TMEM170A: variants seen among roughly 807,000 people sequenced by gnomAD.
TMEM170A encodes transmembrane protein 170A.
In TMEM170A, 18 loss-of-function variants were observed where a neutral mutation model predicts 12.8. The observed-to-expected ratio is 1.41, with a 90% CI of 0.97 to 2.09. TMEM170A has a LOEUF of 2.09. Ranked by LOEUF, TMEM170A falls within the 30% of genes most tolerant of loss-of-function variation. The probability of loss-of-function intolerance (pLI) is 0.00; values close to 1 mark genes in which losing one functional copy is unlikely to be tolerated. For missense variants in TMEM170A, 220 were observed against 179.9 expected (o/e 1.22, Z -1.28); for synonymous variants, 107 against 76.2 (o/e 1.40, Z -2.11).
Position 75,446,918 on chromosome 16 carries a change from G to C in TMEM170A, c.*640C>G, listed in dbSNP as rs1003904681. On this transcript the variant is annotated 3_prime_UTR_variant, in exon 3 of 3. Transcript: ENST00000561878. Reference sequence around the variant, plus strand: ...CACATCTCTTAAAATATCTTAATCAGAAGTCAAGACAGTTGTCCAGAAAAT... The same window carrying C: ...CACATCTCTTAAAATATCTTAATCACAAGTCAAGACAGTTGTCCAGAAAAT... The C allele has an allele frequency of 1.3e-5, 2 of 152,124 alleles. No homozygotes were observed. Among genetic ancestry groups the C allele is most frequent in the African/African-American group, 2.4e-5 (1 of 41,432 alleles). 9.4% of individuals were successfully genotyped at this position (152,124 alleles called of 1,614,324 possible).
chr16:75,447,398 G>A lies in TMEM170A; in HGVS notation c.*160C>T, dbSNP rs927627484. On this transcript the variant is annotated 3_prime_UTR_variant, in exon 3 of 3. Transcript: ENST00000561878. Reference sequence around the variant, plus strand: ...TCCACATAAGTCTTCAATTCTAGGAGCTTCAAAATGAAGAAAAGGCTGAGA... The same window carrying A: ...TCCACATAAGTCTTCAATTCTAGGAACTTCAAAATGAAGAAAAGGCTGAGA... 60 of 725,408 alleles carry A rather than the reference G, an allele frequency of 8.3e-5. No individual in the cohort carries two copies. The highest frequency in any genetic ancestry group is 2.5e-4 in the South Asian group (7 of 27,590). 44.9% of individuals were successfully genotyped at this position (725,408 alleles called of 1,614,324 possible).
At chr16:75,448,966 T>C (rs1225558523) in intron 2 of TMEM170A, among the ~76,000 whole-genome samples, 1 of 151,328 alleles carries the variant, frequency 6.6e-6, no homozygotes, top group Non-Finnish European at 1.5e-5. Flanking sequence ...GTGGCTGAGG[T>C]AGGGGGATCA....
In TMEM170A at chr16:75,445,561, T is replaced by C. The variant is rs1246707838; in HGVS notation, c.*1997A>G. 6.6e-6 allele frequency: 1 copy of C among 152,304 alleles called. No individual in the cohort carries two copies. Among genetic ancestry groups the C allele is most frequent in the African/African-American group, 2.4e-5 (1 of 41,434 alleles). 9.4% of individuals were successfully genotyped at this position (152,304 alleles called of 1,614,324 possible). A position where few individuals can be genotyped will look rare whatever the true frequency, so the allele number is the denominator to read the frequency against. On this transcript the variant is annotated 3_prime_UTR_variant, in exon 3 of 3. Transcript: ENST00000561878. The stretch of plus-strand genomic sequence containing the variant: ...ATCCTCCCACATCGACCTCCCAAAG[T>C]GCTGGGATTATAGGTGTGAGCCACT...
In TMEM170A at chr16:75,446,159, A is replaced by G. The variant is rs1434647007; in HGVS notation, c.*1399T>C. On this transcript the variant is annotated 3_prime_UTR_variant, in exon 3 of 3. Transcript: ENST00000561878. Reference sequence around the variant, plus strand: ...CACTGCACTCCAGCCTGGGCAACACAGTGAGGCTCCGTCTCATTTAAAAGA... The same window carrying G: ...CACTGCACTCCAGCCTGGGCAACACGGTGAGGCTCCGTCTCATTTAAAAGA... 6.7e-6 allele frequency: 1 copy of G among 148,436 alleles called. No homozygotes were observed. The allele number at this position is 148,436 out of a possible 1,614,324, so 9.2% of individuals were successfully genotyped here.
At chr16:75,459,306 G>T (rs191423039) in intron 1 of TMEM170A, among the ~76,000 whole-genome samples, 1 of 152,170 alleles carries the variant, frequency 6.6e-6, no homozygotes, top group Non-Finnish European at 1.5e-5. Context: ...GTCTATAATG[G>T]CTGGCTCCCT....
chr16:75,447,952 C>A (rs2079616930), intron 2 of TMEM170A, among the ~76,000 whole-genome samples: 1 of 152,134 alleles, frequency 6.6e-6, no homozygotes, highest in Non-Finnish European at 1.5e-5. Flanking sequence ...ATAAAATAAT[C>A]TGGAAGAAAT....
At chr16:75,451,408 G>C (rs1433916813) in intron 2 of TMEM170A, 1 of 557,754 alleles carries the variant, frequency 1.8e-6, no homozygotes, top group Non-Finnish European at 3.2e-6. Context: ...AATTAGCGGG[G>C]CATGGTGGCA....
At chr16:75,454,681 G>A (rs2079754303) in intron 1 of TMEM170A, among the ~76,000 whole-genome samples, 1 of 152,080 alleles carries the variant, frequency 6.6e-6, no homozygotes, top group Non-Finnish European at 1.5e-5. Context: ...AGACAGATGA[G>A]GGAAACCCTT....
In TMEM170A at chr16:75,447,481, A is replaced by G; in HGVS notation, c.*77T>C. 6.9e-7 allele frequency: 1 copy of G among 1,455,210 alleles called. No individual in the cohort carries two copies. Among genetic ancestry groups the G allele is most frequent in the Non-Finnish European group, 9.1e-7 (1 of 1,097,988 alleles). 90.1% of individuals were successfully genotyped at this position (1,455,210 alleles called of 1,614,324 possible). ...TTGCTTCCCTTTGAAGAACTAAGAA[A>G]ACACTACACTCCATAATGTATTCTT... On this transcript the variant is annotated 3_prime_UTR_variant, in exon 3 of 3. Transcript: ENST00000561878.
At position 75,464,454 on chromosome 16, in the gene TMEM170A, G is replaced by T; in HGVS notation, c.133+14C>A. On this transcript the variant is annotated intron_variant, in intron 1 of 2. Transcript: ENST00000561878. The stretch of plus-strand genomic sequence containing the variant: ...GGCGGGGCGCGCAGTGCGCAGGCGC[G>T]GGGCGGGCCGTACCTGGGAAGGAGC... 6.8e-7 allele frequency: 1 copy of T among 1,462,420 alleles called. No homozygotes were observed. Among genetic ancestry groups the T allele is most frequent in the Non-Finnish European group, 9.0e-7 (1 of 1,109,504 alleles). The allele number at this position is 1,462,420 out of a possible 1,614,324, so 90.6% of individuals were successfully genotyped here. A position where few individuals can be genotyped will look rare whatever the true frequency, so the allele number is the denominator to read the frequency against.
chr16:75,453,488 C>T (rs1300142753), intron 1 of TMEM170A, among the ~76,000 whole-genome samples: 1 of 152,182 alleles, frequency 6.6e-6, no homozygotes, highest in Non-Finnish European at 1.5e-5. Context: ...CCATAAGAGG[C>T]ACAAGCCAAA....
rs550913950 is a variant in TMEM170A at position 75,451,391 on chromosome 16, C to CA, written c.304+277dup. 3.7e-4 allele frequency: 195 copies of CA among 523,000 alleles called. 2 individuals are homozygous for CA. In the South Asian group the frequency reaches 4.6e-3, roughly 12 times the overall value. The allele number at this position is 523,000 out of a possible 1,614,324, so 32.4% of individuals were successfully genotyped here. A position where few individuals can be genotyped will look rare whatever the true frequency, so the allele number is the denominator to read the frequency against. ...CGAAACCCTGTCTCTACAAAAAATACAAAAAAAATTAGCGGGGCATGGTGG... is the reference window on the plus strand; with the variant it reads ...CGAAACCCTGTCTCTACAAAAAATACAAAAAAAAATTAGCGGGGCATGGTGG... On this transcript the variant is annotated intron_variant, in intron 2 of 2. Transcript: ENST00000561878.
rs147975195 is a variant in TMEM170A at position 75,464,545 on chromosome 16, A to C, written c.56T>G (p.Ile19Ser). 4 of 1,588,750 alleles carry C rather than the reference A, an allele frequency of 2.5e-6. No homozygotes were observed. In the Middle Eastern group the frequency reaches 5.1e-4, roughly 201 times the overall value. ...SGGSAGLLQQ[I>S]LSLKVVPRVG... ...CCGCGGCACAACCTTCAGGCTCAGG[A>C]TCTGCTGCAGGAGCCCGGCCGACCC... Residue 19 changes from isoleucine to serine, a missense_variant, in exon 1 of 3, where the codon ATC (isoleucine) becomes AGC (serine). Physicochemically the swap from Ile to Ser is moderately radical, Grantham distance 142. Coordinates refer to ENST00000561878, the MANE Select transcript of TMEM170A (RefSeq NM_145254.3).
rs569996822 is a variant in TMEM170A at position 75,448,779 on chromosome 16, C to T, written c.305-1091G>A. Among the ~76,000 whole-genome samples, 194 of 151,180 alleles carry T rather than the reference C, an allele frequency of 1.3e-3. 1 individual carries two copies. Among genetic ancestry groups the T allele is most frequent in the African/African-American group, 1.3e-3 (54 of 41,208 alleles). On this transcript the variant is annotated intron_variant, in intron 2 of 2. Transcript: ENST00000561878. The stretch of plus-strand genomic sequence containing the variant: ...ATCCTGTCTCAAAAAAAAAAAGAAC[C>T]GGCCAAGTACAGTGGCTCAAGCCTA...
At chr16:75,450,180 CAA>C (rs34044750) in intron 2 of TMEM170A, among the ~76,000 whole-genome samples, 25,079 of 116,104 alleles carry the variant, frequency 0.22, 2,274 homozygotes, top group East Asian at 0.44. Context: ...CACTTTCTCT[CAA>C]AAAAAAAAAA....
intron 1 of TMEM170A, among the ~76,000 whole-genome samples, chr16:75,453,131 CTAAA>C (rs1322825471): frequency 2.0e-5 from 3 of 152,204 alleles, no homozygotes; most frequent in South Asian, 4.2e-4. Flanking sequence ...CAAAATTGAC[CTAAA>C]TAATGTCCCC....
intron 1 of TMEM170A, among the ~76,000 whole-genome samples, chr16:75,460,482 T>C (rs780164662): frequency 6.6e-6 from 1 of 152,162 alleles, no homozygotes; most frequent in Non-Finnish European, 1.5e-5. Context: ...TCAGGGCCTC[T>C]GAATCTGCTG....
chr16:75,464,090 G>A (rs2079954043), intron 1 of TMEM170A: 8 of 906,484 alleles, frequency 8.8e-6, no homozygotes, highest in South Asian at 1.6e-5. Context: ...GAAGGAGGCC[G>A]GGCGCCGTGG....
chr16:75,462,066 C>G (rs562719970), intron 1 of TMEM170A, among the ~76,000 whole-genome samples: 2 of 152,140 alleles, frequency 1.3e-5, no homozygotes, highest in Non-Finnish European at 2.9e-5. Context: ...GGAACCCTTA[C>G]AGTAGAGAGT....
Sources: allele counts gnomAD v4.1 joint callset (sites outside exome capture counted in the v4.1 genomes callset), GRCh38; gene constraint gnomAD v4.1.1; transcripts MANE v1.5; gene names NCBI Gene and HGNC (gene_info 2026-07-23, HGNC 2026-07-21).